Variants in OARD1 observed in about 807,000 individuals in gnomAD.
OARD1 encodes ADP-ribose glycohydrolase OARD1.
A neutral mutation model predicts 19.7 loss-of-function variants in OARD1; 19 were observed. The observed-to-expected ratio is 0.96, with a 90% CI of 0.67 to 1.41. OARD1 has a LOEUF of 1.41. OARD1 is among the 40% of genes most tolerant of loss of function. The probability of loss-of-function intolerance (pLI) is 0.00; values close to 1 mark genes in which losing one functional copy is unlikely to be tolerated. For synonymous variants in OARD1, 70 were observed against 61.8 expected (o/e 1.13, Z -0.62); for missense variants, 190 against 183.8 (o/e 1.03, Z -0.20).
At chr6:41,090,227 G>T in intron 1 of OARD1, 2 of 1,610,778 alleles carry the variant, frequency 1.2e-6, no homozygotes, top group South Asian at 1.1e-5. Context: ...TTGCTGTCCA[G>T]GGACAGCAAG....
chr6:41,074,306 C>T (rs1763666076), upstream of OARD1, among the ~76,000 whole-genome samples: 2 of 152,168 alleles, frequency 1.3e-5, no homozygotes, highest in African/African-American at 4.8e-5. Context: ...AACCAATTAT[C>T]CAGCAGTTAG....
At chr6:41,089,848 G>A (rs780093846) in intron 1 of OARD1, 45 of 1,209,138 alleles carry the variant, frequency 3.7e-5, no homozygotes, top group East Asian at 2.1e-4. Context: ...GGCCGGGCGC[G>A]GTGGCTCATG....
intron 1 of OARD1, chr6:41,093,101 G>A (rs2113818754): frequency 6.2e-7 from 1 of 1,611,066 alleles, no homozygotes; most frequent in East Asian, 2.2e-5. Flanking sequence ...TATAACATTG[G>A]GAAGGATATA....
intron 5 of OARD1, 40 bp from the exon 6 acceptor site, chr6:41,067,477 T>C: frequency 7.3e-7 from 1 of 1,372,990 alleles, no homozygotes; most frequent in Non-Finnish European, 1.0e-6. Flanking sequence ...GTAACGAAAG[T>C]ATCTAGGAAA....
In OARD1 at chr6:41,066,870, A is replaced by G. The variant is rs1290868380; in HGVS notation, c.*465T>C. 2 of 152,292 alleles carry G rather than the reference A, an allele frequency of 1.3e-5. No homozygotes were observed. Among genetic ancestry groups the G allele is most frequent in the African/African-American group, 4.8e-5 (2 of 41,454 alleles). The allele number at this position is 152,292 out of a possible 1,614,324, so 9.4% of individuals were successfully genotyped here. The stretch of plus-strand genomic sequence containing the variant: ...CAATGTAGAATTTAATTTTGTAATT[A>G]AAACAAAAACTCTCCCCTAGGAGGA... On this transcript the variant is annotated 3_prime_UTR_variant, in exon 6 of 6. Transcript: ENST00000424266.
At chr6:41,091,816 A>T in intron 1 of OARD1, 1 of 1,067,838 alleles carries the variant, frequency 9.4e-7, no homozygotes, top group Non-Finnish European at 1.3e-6. Flanking sequence ...CACTGTCGGT[A>T]ATCTACTTTG....
At chr6:41,069,633 G>T in intron 4 of OARD1, 2 of 218,962 alleles carry the variant, frequency 9.1e-6, no homozygotes, top group Non-Finnish European at 1.8e-5. Context: ...GAGGAGCTAA[G>T]TATTATTTGG....
At chr6:41,077,089 T>C (rs1763752913), upstream of OARD1, among the ~76,000 whole-genome samples, 1 of 152,208 alleles carries the variant, frequency 6.6e-6, no homozygotes, top group Admixed American at 6.5e-5. Context: ...TGCTTCAAGT[T>C]ATATTTAGTC....
intron 4 of OARD1, 153 bp downstream of exon 4, chr6:41,069,923 A>G (rs1763236552): frequency 1.4e-6 from 1 of 713,062 alleles, no homozygotes; most frequent in Non-Finnish European, 2.6e-6. Flanking sequence ...ACTGGACTGG[A>G]GTTGTCATAA....
intron 5 of OARD1, 91 bp downstream of exon 5, chr6:41,068,750 T>G: frequency 1.4e-6 from 1 of 720,144 alleles, no homozygotes; most frequent in Non-Finnish European, 2.2e-6. Context: ...ATCTATATTT[T>G]GGGTTAAGCT....
upstream of OARD1, chr6:41,072,538 C>T (rs1009810202): frequency 9.8e-5 from 15 of 152,334 alleles, no homozygotes; most frequent in Non-Finnish European, 2.1e-4. Context: ...AGCCCACACT[C>T]TTTGGCGAAG....
chr6:41,073,255 T>G (rs1763581547), upstream of OARD1, among the ~76,000 whole-genome samples: 1 of 150,768 alleles, frequency 6.6e-6, no homozygotes, highest in South Asian at 2.1e-4. Flanking sequence ...TGCGAGCGCC[T>G]CGGGGCACTC....
rs878967292 is a variant in OARD1, at chr6:41,097,535, G to C, written c.-42+178C>G. 6.3e-6 allele frequency: 6 copies of C among 949,442 alleles called. No individual in the cohort carries two copies. In the South Asian group the frequency reaches 9.6e-5, roughly 15 times the overall value. 58.8% of individuals were successfully genotyped at this position (949,442 alleles called of 1,614,324 possible). On this transcript the variant is annotated intron_variant, in intron 1 of 4. Transcript: ENST00000480585. The stretch of plus-strand genomic sequence containing the variant: ...TTTACTACAGGACAGAAACCACTTA[G>C]TTTTTAATAAGTGGCTCAGTATTAC...
chr6:41,086,505 A>C (rs1764047691), intron 1 of OARD1, among the ~76,000 whole-genome samples: 1 of 151,146 alleles, frequency 6.6e-6, no homozygotes, highest in Admixed American at 6.6e-5. Flanking sequence ...TAAGGCTTTA[A>C]TCCCCTTTGT....
intron 1 of OARD1, among the ~76,000 whole-genome samples, chr6:41,092,534 CTA>C (rs1343042755): frequency 6.6e-6 from 1 of 152,116 alleles, no homozygotes; most frequent in African/African-American, 2.4e-5. Flanking sequence ...TATAAGTTAA[CTA>C]TTATTTTTAT....
chr6:41,068,511 T>C (rs1003639090), intron 5 of OARD1, among the ~76,000 whole-genome samples: 4 of 152,368 alleles, frequency 2.6e-5, no homozygotes, highest in African/African-American at 4.8e-5. Context: ...TTAGCTTACA[T>C]TGCTTTAGGA....
intron 1 of OARD1, chr6:41,084,084 C>T: frequency 4.3e-6 from 7 of 1,613,876 alleles, no homozygotes; most frequent in Non-Finnish European, 5.9e-6. Context: ...TCAGTGGAGG[C>T]CAGCTAATCA....
intron 3 of OARD1, chr6:41,070,911 C>G: frequency 3.3e-6 from 2 of 611,010 alleles, no homozygotes; most frequent in Non-Finnish European, 5.8e-6. Context: ...GTAATATCGT[C>G]AAGAAAGTTT....
chr6:41,080,680 ATAGGGAGTCTG>A, intron 1 of OARD1: 1 of 663,866 alleles, frequency 1.5e-6, no homozygotes, highest in African/African-American at 1.8e-5. Context: ...CAGCTTCAAT[ATAGGGAGTCTG>A]TACATTTTGA....
Sources: gnomAD v4.1 joint callset for allele counts (sites outside exome capture counted in the v4.1 genomes callset) on GRCh38, gnomAD v4.1.1 for gene constraint, MANE v1.5 for transcripts, NCBI Gene and HGNC (gene_info 2026-07-23, HGNC 2026-07-21) for gene names.